Variants in SYT16 observed in about 807,000 individuals in gnomAD.
SYT16 encodes synaptotagmin 16.
In SYT16, 42 loss-of-function variants were observed where a neutral mutation model predicts 61.4. The observed-to-expected ratio is 0.68, with a 90% CI of 0.53 to 0.89. The LOEUF (loss-of-function observed/expected upper bound fraction) is 0.89, where lower values mean the gene tolerates loss of function less well. SYT16 is among the 40% of genes least tolerant of loss of function. The pLI is 0.00. For missense variants in SYT16, 804 were observed against 807.3 expected (o/e 1.00, Z 0.05); for synonymous variants, 314 against 302.3 (o/e 1.04, Z -0.40).
chr14:62,075,074 C>T, intron 4 of SYT16, 61 bp from the exon 5 acceptor site: 1 of 1,511,700 alleles, frequency 6.6e-7, no homozygotes, highest in Non-Finnish European at 8.9e-7. Context: ...TACTCAATTT[C>T]TCTAGGTAAA....
At chr14:61,863,763 T>C (rs183034873) in intron 1 of SYT16, among the ~76,000 whole-genome samples, 1 of 152,380 alleles carries the variant, frequency 6.6e-6, no homozygotes, top group African/African-American at 2.4e-5. Context: ...TTTAAGGCTG[T>C]GATCCATTTT....
intron 1 of SYT16, among the ~76,000 whole-genome samples, chr14:61,859,927 A>G (rs2046914489): frequency 6.6e-6 from 1 of 152,220 alleles, no homozygotes; most frequent in Non-Finnish European, 1.5e-5. Flanking sequence ...TACATTCAAA[A>G]GAAAACAAAA....
rs1198193343 is a variant in SYT16, at chr14:62,106,083, A to G, written c.*5376A>G. ...TCTTGACCACATGGATAGATTTCAG[A>G]GCATCCCTCTAAATCAAGTCTGGAG... On this transcript the variant is annotated 3_prime_UTR_variant, in exon 8 of 8. Transcript: ENST00000683842. The G allele has an allele frequency of 1.3e-5, 2 of 152,204 alleles. No homozygotes were observed. The highest frequency in any genetic ancestry group is 1.3e-4 in the Admixed American group (2 of 15,274). 9.4% of individuals were successfully genotyped at this position (152,204 alleles called of 1,614,324 possible). A position where few individuals can be genotyped will look rare whatever the true frequency, so the allele number is the denominator to read the frequency against.
intron 1 of SYT16, among the ~76,000 whole-genome samples, chr14:61,950,376 T>G (rs1243776500): frequency 6.6e-6 from 1 of 152,216 alleles, no homozygotes; most frequent in Non-Finnish European, 1.5e-5. Context: ...ACACTCATGC[T>G]TGCCATATGG....
At chr14:61,862,489 A>G (rs2046994939) in intron 1 of SYT16, among the ~76,000 whole-genome samples, 1 of 151,888 alleles carries the variant, frequency 6.6e-6, no homozygotes, top group African/African-American at 2.4e-5. Context: ...GAGTAGTTTT[A>G]GGTTCACACT....
chr14:62,096,618 A>G (rs1440244392), intron 7 of SYT16, among the ~76,000 whole-genome samples: 1 of 152,136 alleles, frequency 6.6e-6, no homozygotes, highest in Non-Finnish European at 1.5e-5. Flanking sequence ...TAAATTTTCT[A>G]ATGTGCAAAA....
intron 3 of SYT16, among the ~76,000 whole-genome samples, chr14:62,007,123 G>A (rs1465707016): frequency 6.6e-6 from 1 of 152,152 alleles, no homozygotes; most frequent in East Asian, 1.9e-4. Context: ...GTATTATTGG[G>A]ATTGCTTGTG....
At chr14:61,941,961 T>TA (rs922191514) in intron 1 of SYT16, among the ~76,000 whole-genome samples, 2 of 152,300 alleles carry the variant, frequency 1.3e-5, no homozygotes, top group African/African-American at 4.8e-5. Context: ...TGGCCATATA[T>TA]AAAAAAATAT....
intron 3 of SYT16, among the ~76,000 whole-genome samples, chr14:62,014,853 C>T (rs1056761787): frequency 3.9e-5 from 6 of 152,200 alleles, no homozygotes; most frequent in African/African-American, 1.4e-4. Flanking sequence ...CCTTCCAGTA[C>T]AACTTCCTTT....
intron 1 of SYT16, among the ~76,000 whole-genome samples, chr14:61,951,485 AAAAT>A (rs749802709): frequency 1.4e-3 from 219 of 152,324 alleles, no homozygotes; most frequent in Admixed American, 4.5e-3. Context: ...TGTGAGTTGA[AAAAT>A]AAAGTTACAA....
intron 3 of SYT16, among the ~76,000 whole-genome samples, chr14:62,036,276 GA>G (rs2054502947): frequency 6.6e-6 from 1 of 152,088 alleles, no homozygotes; most frequent in Admixed American, 6.6e-5. Flanking sequence ...ATAGAAACGT[GA>G]GGATCTGAAA....
At chr14:61,871,073 G>C (rs920186056) in intron 1 of SYT16, among the ~76,000 whole-genome samples, 2 of 152,154 alleles carry the variant, frequency 1.3e-5, no homozygotes, top group Non-Finnish European at 2.9e-5. Flanking sequence ...AGTTAAGCCA[G>C]CTTGACTTCA....
chr14:61,929,025 C>T (rs2049652435), intron 1 of SYT16, among the ~76,000 whole-genome samples: 1 of 152,212 alleles, frequency 6.6e-6, no homozygotes, highest in Non-Finnish European at 1.5e-5. Context: ...GAAAAATCCT[C>T]ATGCTAAACA....
intron 3 of SYT16, among the ~76,000 whole-genome samples, chr14:62,062,305 G>A (rs925323487): frequency 6.6e-6 from 1 of 152,112 alleles, no homozygotes; most frequent in South Asian, 2.1e-4. Context: ...TTGAGGGGGG[G>A]ATGAGGGAGA....
chr14:62,100,699 G>A lies in SYT16; in HGVS notation c.1930G>A (p.Glu644Lys). 6.2e-7 allele frequency: 1 copy of A among 1,612,504 alleles called. No homozygotes were observed. The highest frequency in any genetic ancestry group is 1.1e-5 in the South Asian group (1 of 90,892). The part of the protein sequence containing the change: ...QQICRWHTLL[E>K]S Reference sequence around the variant, plus strand: ...GATCTGCAGATGGCACACTTTGCTGGAATCCTAGGTTTGCTAACCTGCATT... The same window carrying A: ...GATCTGCAGATGGCACACTTTGCTGAAATCCTAGGTTTGCTAACCTGCATT... The change falls in exon 8 of 8, where the codon GAA becomes AAA. Residue 644 changes from glutamate to lysine, a missense_variant. By Grantham distance (56) the Glu-to-Lys change is moderately conservative (BLOSUM62 1). Transcript: ENST00000683842.
intron 3 of SYT16, among the ~76,000 whole-genome samples, chr14:62,041,001 C>A (rs888123398): frequency 6.6e-6 from 1 of 152,192 alleles, no homozygotes; most frequent in South Asian, 2.1e-4. Flanking sequence ...CACAATAGGC[C>A]GTCTGCAAGC....
intron 3 of SYT16, among the ~76,000 whole-genome samples, chr14:62,043,546 T>C (rs1455508945): frequency 6.6e-6 from 1 of 151,944 alleles, no homozygotes; most frequent in Admixed American, 6.6e-5. Flanking sequence ...TAGCTGGGAC[T>C]ACAGGCGCCC....
chr14:62,043,167 A>G (rs1007822861), intron 3 of SYT16, among the ~76,000 whole-genome samples: 6 of 143,152 alleles, frequency 4.2e-5, no homozygotes, highest in African/African-American at 1.0e-4. Context: ...CAGTTCATGT[A>G]CTTCATTTAT....
At chr14:62,086,146 C>G (rs2056878956) in intron 7 of SYT16, among the ~76,000 whole-genome samples, 1 of 152,096 alleles carries the variant, frequency 6.6e-6, no homozygotes, top group African/African-American at 2.4e-5. Context: ...GCCAACAAAC[C>G]AAGGTGTGAA....
Sources: gnomAD v4.1 joint callset for allele counts (sites outside exome capture counted in the v4.1 genomes callset) on GRCh38, gnomAD v4.1.1 for gene constraint, MANE v1.5 for transcripts, NCBI Gene and HGNC (gene_info 2026-07-23, HGNC 2026-07-21) for gene names.